CREBBP: variants seen among roughly 807,000 people sequenced by gnomAD.
CREBBP encodes the protein CREB-binding protein.
A neutral mutation model predicts 265.0 loss-of-function variants in CREBBP; 19 were observed. That is an observed-to-expected ratio of 0.07 (90% CI 0.05 to 0.11). The LOEUF is 0.11. Among genes scored for constraint, CREBBP ranks in the 10% least tolerant of loss-of-function variants. CREBBP has a pLI of 1.00. For missense variants in CREBBP, 2,525 were observed against 3,219.0 expected, an observed-to-expected ratio of 0.78 and a Z score of 5.22; for synonymous variants, 1,457 against 1,223.7, an observed-to-expected ratio of 1.19 and a Z score of -3.98.
At chr16:3,779,218 G>C (rs2141240430) in intron 8 of CREBBP, among the ~76,000 whole-genome samples, 1 of 150,556 alleles carries the variant, frequency 6.6e-6, no homozygotes, top group South Asian at 2.1e-4. Context: ...CTATCGCCCA[G>C]GCTGGAGTAC....
intron 3 of CREBBP, 89 bp downstream of exon 3, chr16:3,810,514 T>A: frequency 6.8e-7 from 1 of 1,475,388 alleles, no homozygotes; most frequent in Non-Finnish European, 9.5e-7. Flanking sequence ...ACACTTTTAG[T>A]TATAGACTTT....
chr16:3,796,929 T>C (rs1353951615), intron 3 of CREBBP, among the ~76,000 whole-genome samples: 1 of 152,198 alleles, frequency 6.6e-6, no homozygotes, highest in East Asian at 1.9e-4. Flanking sequence ...TCTTTCCCCA[T>C]GGAATTCTGT....
At chr16:3,732,030 C>G in intron 28 of CREBBP, 93 bp from the exon 29 acceptor site, 1 of 1,608,534 alleles carries the variant, frequency 6.2e-7, no homozygotes, top group South Asian at 1.1e-5. Flanking sequence ...TCAGGAAGCT[C>G]AGGCCAAAGT....
Position 3,782,544 on chromosome 16 carries a change from CT to C in CREBBP, c.1573+139del, listed in dbSNP as rs998789206. 3.7e-5 allele frequency: 43 copies of C among 1,161,816 alleles called. No individual in the cohort carries two copies. The African/African-American group carries it at 6.0e-4, about 16-fold the overall frequency. The allele number at this position is 1,161,816 out of a possible 1,614,324, so 72.0% of individuals were successfully genotyped here. On this transcript the variant is annotated intron_variant, in intron 6 of 30. Transcript: ENST00000262367. ...ATTTTCCTTGCATCAGATACTTCAG[CT>C]TTTTCCTGGGAGATTTTTTATTTCA...
At chr16:3,736,488 G>C in intron 27 of CREBBP, 162 bp downstream of exon 27, 1 of 1,089,136 alleles carries the variant, frequency 9.2e-7, no homozygotes, top group Admixed American at 2.0e-5. Flanking sequence ...TCAATCAGCT[G>C]AAGAAAATGC....
At chr16:3,740,272 T>G in intron 24 of CREBBP, 127 bp downstream of exon 24, 1 of 1,101,288 alleles carries the variant, frequency 9.1e-7, no homozygotes, top group South Asian at 1.3e-5. Flanking sequence ...AGGGGGCTAC[T>G]GCACGCATTC....
chr16:3,752,846 T>C (rs2052504776), intron 19 of CREBBP, among the ~76,000 whole-genome samples: 1 of 152,208 alleles, frequency 6.6e-6, no homozygotes, highest in African/African-American at 2.4e-5. Flanking sequence ...TAAGACAATA[T>C]AGAGCCTGGG....
intron 3 of CREBBP, among the ~76,000 whole-genome samples, chr16:3,807,579 C>T (rs1378915988): frequency 6.6e-6 from 1 of 152,190 alleles, no homozygotes; most frequent in Non-Finnish European, 1.5e-5. Flanking sequence ...GCTGGTGAAG[C>T]ATTCCCGGCA....
chr16:3,770,548 C>T (rs200897471), intron 14 of CREBBP, 22 bp downstream of exon 14: 10 of 1,610,972 alleles, frequency 6.2e-6, no homozygotes, highest in East Asian at 2.2e-5. Context: ...GGCCCAAAAA[C>T]AGCAGAGACA....
In CREBBP at chr16:3,734,041, G is replaced by A. The variant is rs376528543; in HGVS notation, c.4728+1995C>T. Among the ~76,000 whole-genome samples, 13 of 152,254 alleles carry A rather than the reference G, an allele frequency of 8.5e-5. No individual in the cohort carries two copies. The South Asian group carries it at 1.2e-3, about 15-fold the overall frequency. On this transcript the variant is annotated intron_variant, in intron 28 of 30. Transcript: ENST00000262367. ...AAAGTTTTGTTTTTCTGGTCTTCCC[G>A]AGCAGCAGTGTTCTGTGTTCTGGAG...
chr16:3,758,743 G>A lies in CREBBP; in HGVS notation c.3369+111C>T, dbSNP rs55712423. 13,106 of 879,908 alleles carry A rather than the reference G, an allele frequency of 0.015. 132 individuals are homozygous for A. Among genetic ancestry groups the A allele is most frequent in the Middle Eastern group, 0.021 (62 of 3,024 alleles). The allele number at this position is 879,908 out of a possible 1,614,324, so 54.5% of individuals were successfully genotyped here. On this transcript the variant is annotated intron_variant, in intron 17 of 30. Coordinates refer to ENST00000262367, the MANE Select transcript of CREBBP (RefSeq NM_004380.3). ...CAGACAACAGTTTTTTATATTAGGA[G>A]AACAATCTTCAAGGCAGGGGGATTA...
intron 1 of CREBBP, among the ~76,000 whole-genome samples, chr16:3,856,992 A>G (rs1437600154): frequency 6.6e-6 from 1 of 152,208 alleles, no homozygotes; most frequent in Admixed American, 6.5e-5. Context: ...AGCTGAGCAC[A>G]GGAGTTGAAA....
chr16:3,820,652 C>T (rs1370476893), intron 2 of CREBBP, among the ~76,000 whole-genome samples: 1 of 152,142 alleles, frequency 6.6e-6, no homozygotes, highest in Non-Finnish European at 1.5e-5. Flanking sequence ...TTGCTTGAGG[C>T]CAGGAGTTTG....
chr16:3,786,722 G>C (rs1444781407), intron 5 of CREBBP, among the ~76,000 whole-genome samples: 1 of 152,126 alleles, frequency 6.6e-6, no homozygotes, highest in Non-Finnish European at 1.5e-5. Flanking sequence ...GGTATACCTG[G>C]GGTGTCCTGG....
At chr16:3,772,472 G>A (rs1026187471) in intron 13 of CREBBP, among the ~76,000 whole-genome samples, 2 of 152,018 alleles carry the variant, frequency 1.3e-5, no homozygotes, top group African/African-American at 4.8e-5. Context: ...CACTGTTCTA[G>A]AGCAGGGGTT....
intron 2 of CREBBP, among the ~76,000 whole-genome samples, chr16:3,827,461 G>A (rs1040713371): frequency 1.3e-5 from 2 of 151,944 alleles, no homozygotes; most frequent in Non-Finnish European, 2.9e-5. Context: ...ACGCAATCTC[G>A]GCTCACTGCA....
intron 3 of CREBBP, among the ~76,000 whole-genome samples, chr16:3,805,344 G>T (rs1317490886): frequency 6.6e-6 from 1 of 152,166 alleles, no homozygotes; most frequent in Non-Finnish European, 1.5e-5. Flanking sequence ...CACTGTTATG[G>T]TAAAGAGATG....
rs370511971 is a variant in CREBBP at position 3,777,577 on chromosome 16, A to C, written c.2158+36T>G. 5.5e-4 allele frequency: 888 copies of C among 1,611,096 alleles called. 12 individuals are homozygous for C. The South Asian group carries it at 9.3e-3, about 17-fold the overall frequency. On this transcript the variant is annotated intron_variant, in intron 11 of 30. Transcript: ENST00000262367. Reference sequence around the variant, plus strand: ...GTGAAAGTTATGGCTGTTGAATGTAAAACTAAAATATGATTCACCACAAAC... The same window carrying C: ...GTGAAAGTTATGGCTGTTGAATGTACAACTAAAATATGATTCACCACAAAC...
chr16:3,795,611 C>T (rs1567319730), intron 3 of CREBBP, among the ~76,000 whole-genome samples: 1 of 152,146 alleles, frequency 6.6e-6, no homozygotes, highest in East Asian at 1.9e-4. Flanking sequence ...GAATCCCTGG[C>T]CCCTCCTTTA....
Sources: gnomAD v4.1 joint callset for allele counts (sites outside exome capture counted in the v4.1 genomes callset) on GRCh38, gnomAD v4.1.1 for gene constraint, MANE v1.5 for transcripts, NCBI Gene and HGNC (gene_info 2026-07-23, HGNC 2026-07-21) for gene names.